DENND1A: variants seen among roughly 807,000 people sequenced by gnomAD.
DENND1A encodes the protein DENN domain-containing protein 1A.
In DENND1A, 51 loss-of-function variants were observed where a neutral mutation model predicts 113.7. The ratio of observed to expected loss-of-function variants is 0.45; its 90% CI spans 0.36 to 0.57. DENND1A has a LOEUF of 0.57. Among genes scored for constraint, DENND1A ranks in the 20% least tolerant of loss-of-function variants. DENND1A has a pLI of 0.00. For missense variants in DENND1A, 1,258 were observed against 1,395.9 expected (o/e 0.90, Z 1.57); for synonymous variants, 565 against 570.8 (o/e 0.99, Z 0.14).
intron 19 of DENND1A, among the ~76,000 whole-genome samples, chr9:123,415,639 C>G (rs143722044): frequency 6.6e-6 from 1 of 152,198 alleles, no homozygotes; most frequent in South Asian, 2.1e-4. Flanking sequence ...CTGCTCCCAC[C>G]GCAGGGTCTC....
At chr9:123,919,813 T>C (rs1315307565) in intron 1 of DENND1A, among the ~76,000 whole-genome samples, 1 of 134,634 alleles carries the variant, frequency 7.4e-6, no homozygotes, top group African/African-American at 2.9e-5. Context: ...ACCTGGGAGG[T>C]GGAGGTTGCA....
Position 123,692,190 on chromosome 9 carries a change from T to C in DENND1A, c.303-15401A>G, listed in dbSNP as rs535293679. On this transcript the variant is annotated intron_variant, in intron 5 of 23. Transcript: ENST00000394215. ...ACAAATTAAGCAAAATAACACAAAG[T>C]ACCTATCACAGTTCACAAAACAAAC... is the stretch of plus-strand genomic sequence containing the variant. Among the ~76,000 whole-genome samples the C allele has an allele frequency of 1.2e-4, 19 of 152,324 alleles. No individual in the cohort carries two copies. In the South Asian group the frequency reaches 2.9e-3, roughly 23 times the overall value.
At chr9:123,841,421 A>G (rs1190382579) in intron 2 of DENND1A, among the ~76,000 whole-genome samples, 1 of 152,196 alleles carries the variant, frequency 6.6e-6, no homozygotes, top group East Asian at 1.9e-4. Context: ...TAAATTACCT[A>G]ATTTTCAGTG....
chr9:123,599,726 C>T (rs745680002), intron 11 of DENND1A, among the ~76,000 whole-genome samples: 15 of 152,130 alleles, frequency 9.9e-5, no homozygotes, highest in Non-Finnish European at 1.8e-4. Context: ...AAGCAAAACA[C>T]GAACAAACAG....
chr9:123,726,186 G>A (rs1214901063), intron 5 of DENND1A, among the ~76,000 whole-genome samples: 1 of 152,112 alleles, frequency 6.6e-6, no homozygotes, highest in East Asian at 1.9e-4. Context: ...TTTATTAATG[G>A]CCTAGTCTGC....
intron 5 of DENND1A, among the ~76,000 whole-genome samples, chr9:123,694,221 T>C (rs920859961): frequency 1.3e-5 from 2 of 152,098 alleles, no homozygotes; most frequent in African/African-American, 4.8e-5. Flanking sequence ...TATGCTGGGG[T>C]TGAGAACCTC....
chr9:123,545,773 T>C (rs2056634930), intron 13 of DENND1A, among the ~76,000 whole-genome samples: 2 of 152,090 alleles, frequency 1.3e-5, no homozygotes, highest in South Asian at 4.1e-4. Context: ...ATTCCCAAGA[T>C]CTCCTGTTCT....
chr9:123,443,629 C>T (rs1342674629), intron 18 of DENND1A, among the ~76,000 whole-genome samples: 1 of 152,218 alleles, frequency 6.6e-6, no homozygotes, highest in African/African-American at 2.4e-5. Context: ...CAGGATGCCA[C>T]AGGCAGCACA....
At chr9:123,627,732 T>G (rs144867188) in intron 10 of DENND1A, among the ~76,000 whole-genome samples, 3,057 of 132,064 alleles carry the variant, frequency 0.023, 43 homozygotes, top group Non-Finnish European at 0.034. Context: ...AGAGCAAAAC[T>G]CTGTCTCAAA....
intron 13 of DENND1A, among the ~76,000 whole-genome samples, chr9:123,540,004 A>C (rs2056163706): frequency 6.6e-6 from 1 of 152,190 alleles, no homozygotes; most frequent in Non-Finnish European, 1.5e-5. Flanking sequence ...AATACACTAT[A>C]AAGATTGAAT....
intron 2 of DENND1A, among the ~76,000 whole-genome samples, chr9:123,836,392 A>G (rs1304109211): frequency 6.6e-6 from 1 of 152,210 alleles, no homozygotes; most frequent in Non-Finnish European, 1.5e-5. Flanking sequence ...TTTCTTGACT[A>G]TGGGTATTTT....
chr9:123,720,793 C>T (rs2067283413), intron 5 of DENND1A, among the ~76,000 whole-genome samples: 1 of 152,230 alleles, frequency 6.6e-6, no homozygotes, highest in Admixed American at 6.5e-5. Flanking sequence ...CTGCCTCCAT[C>T]TTGCTGGGAG....
intron 16 of DENND1A, among the ~76,000 whole-genome samples, chr9:123,453,405 T>C (rs893520173): frequency 1.3e-5 from 2 of 152,068 alleles, no homozygotes; most frequent in Non-Finnish European, 2.9e-5. Context: ...AAAAAGAAAG[T>C]GCAGAAGCTG....
intron 2 of DENND1A, among the ~76,000 whole-genome samples, chr9:123,856,887 A>G (rs1844293885): frequency 6.6e-6 from 1 of 152,192 alleles, no homozygotes; most frequent in Admixed American, 6.5e-5. Flanking sequence ...GGATAATGGG[A>G]ACCAGGCTTC....
At chr9:123,614,954 C>G (rs1217608851) in intron 10 of DENND1A, among the ~76,000 whole-genome samples, 1 of 152,146 alleles carries the variant, frequency 6.6e-6, no homozygotes, top group African/African-American at 2.4e-5. Flanking sequence ...GTTTTAAATT[C>G]TGCTCGAAAT....
intron 11 of DENND1A, among the ~76,000 whole-genome samples, chr9:123,594,028 C>T (rs1254399057): frequency 6.6e-6 from 1 of 152,198 alleles, no homozygotes; most frequent in Non-Finnish European, 1.5e-5. Flanking sequence ...TTGCAAGTTT[C>T]CTGGGGCCTC....
At chr9:123,925,792 A>C (rs2134217561) in intron 1 of DENND1A, among the ~76,000 whole-genome samples, 1 of 152,338 alleles carries the variant, frequency 6.6e-6, no homozygotes, top group East Asian at 1.9e-4. Flanking sequence ...ATACAGGCTA[A>C]TGTAGAATAA....
At chr9:123,818,323 C>G (rs996075163) in intron 2 of DENND1A, among the ~76,000 whole-genome samples, 4 of 151,962 alleles carry the variant, frequency 2.6e-5, no homozygotes, top group Admixed American at 1.3e-4. Context: ...CAGGGATGGT[C>G]TTGATCTCCT....
chr9:123,681,759 T>G (rs928308099), intron 5 of DENND1A, among the ~76,000 whole-genome samples: 1 of 152,054 alleles, frequency 6.6e-6, no homozygotes, highest in African/African-American at 2.4e-5. Context: ...TTTTAGTCAC[T>G]GAGAAGGCCT....
Sources: gnomAD v4.1 joint callset for allele counts (sites outside exome capture counted in the v4.1 genomes callset) on GRCh38, gnomAD v4.1.1 for gene constraint, MANE v1.5 for transcripts, NCBI Gene and HGNC (gene_info 2026-07-23, HGNC 2026-07-21) for gene names.